The following FHL1 variants were observed in gnomAD, a reference collection of about 807,000 sequenced individuals.
FHL1 encodes four and a half LIM domains protein 1.
FHL1 carries 1 observed loss-of-function variant against 20.3 expected under a neutral mutation model. That is an observed-to-expected ratio of 0.05 (90% CI 0.02 to 0.23). FHL1 has a LOEUF of 0.23. Ranked by LOEUF, FHL1 falls within the 10% of genes least tolerant of loss-of-function variation. The pLI, the probability that FHL1 is intolerant of heterozygous loss-of-function variation, is 1.00. For synonymous variants in FHL1, 82 were observed against 88.9 expected, an observed-to-expected ratio of 0.92 and a Z score of 0.44; for missense variants, 177 against 234.0, an observed-to-expected ratio of 0.76 and a Z score of 1.59.
At chrX:136,188,769 A>G (rs930020583) in intron 2 of FHL1, among the ~76,000 whole-genome samples, 1 of 110,721 alleles carries the variant, frequency 9.0e-6, no homozygotes, top group African/African-American at 3.3e-5. Flanking sequence ...TTTTTGGTCA[A>G]GAGTCGGGTA....
chrX:136,159,677 A>G (rs1037379227), intron 1 of FHL1, among the ~76,000 whole-genome samples: 2 of 112,206 alleles, frequency 1.8e-5, no homozygotes, highest in Non-Finnish European at 3.8e-5. Context: ...GTTCCAGGAG[A>G]GCTGCCCAGT....
upstream of FHL1, among the ~76,000 whole-genome samples, chrX:136,193,954 A>ACCC (rs1452595287): frequency 1.0e-5 from 1 of 97,234 alleles, no homozygotes; most frequent in African/African-American, 3.8e-5. Flanking sequence ...TCACACCCCA[A>ACCC]CCCCCCCCAG....
intron 2 of FHL1, among the ~76,000 whole-genome samples, chrX:136,188,814 C>T (rs1170846982): frequency 9.0e-6 from 1 of 110,883 alleles, no homozygotes; most frequent in Non-Finnish European, 1.9e-5. Flanking sequence ...ACCCCTGGGA[C>T]CTTGGGCATT....
chrX:136,166,954 G>T (rs978816676), upstream of FHL1: 1 of 112,133 alleles, frequency 8.9e-6, no homozygotes, highest in African/African-American at 3.2e-5. Flanking sequence ...CCATTATGAT[G>T]CTCATAGAGG....
chrX:136,181,166 C>T (rs1047647867), intron 2 of FHL1, among the ~76,000 whole-genome samples: 8 of 112,639 alleles, frequency 7.1e-5, no homozygotes, highest in African/African-American at 2.3e-4. Flanking sequence ...GACAAAAGGT[C>T]CACAGCAGGA....
chrX:136,196,002 G>A (rs1379977171), upstream of FHL1, among the ~76,000 whole-genome samples: 2 of 112,070 alleles, frequency 1.8e-5, no homozygotes, highest in African/African-American at 3.2e-5. Flanking sequence ...AGCCTCCTGG[G>A]AGCTGGGCAG....
At chrX:136,197,709 T>C (rs1048840185) in intron 1 of FHL1, among the ~76,000 whole-genome samples, 1 of 112,732 alleles carries the variant, frequency 8.9e-6, no homozygotes, top group African/African-American at 3.2e-5. Flanking sequence ...TTTGGACTCC[T>C]TGGGACATGA....
chrX:136,173,932 T>C (rs2072937263), intron 2 of FHL1, among the ~76,000 whole-genome samples: 1 of 111,283 alleles, frequency 9.0e-6, no homozygotes, highest in African/African-American at 3.3e-5. Context: ...TCTCCTGACC[T>C]TGTGATCCGC....
At chrX:136,209,120 C>T in intron 5 of FHL1, 1 of 580,172 alleles carries the variant, frequency 1.7e-6, no homozygotes. Flanking sequence ...CAAAGCTAAT[C>T]ACTTCATTCC....
intron 2 of FHL1, among the ~76,000 whole-genome samples, chrX:136,178,605 C>CA (rs1264398655): frequency 9.1e-6 from 1 of 110,161 alleles, no homozygotes; most frequent in Non-Finnish European, 1.9e-5. Context: ...AAAAAACAAA[C>CA]AGACAAAACA....
chrX:136,207,244 G>A (rs1603271103), intron 3 of FHL1, 54 bp downstream of exon 3: 2 of 1,127,935 alleles, frequency 1.8e-6, no homozygotes, highest in East Asian at 6.0e-5. Flanking sequence ...GAGGGCAGAC[G>A]TGATGTGGGC....
At chrX:136,188,167 G>C (rs894378735) in intron 2 of FHL1, among the ~76,000 whole-genome samples, 3 of 111,917 alleles carry the variant, frequency 2.7e-5, no homozygotes, top group African/African-American at 9.8e-5. Flanking sequence ...CACTCACCTG[G>C]AATTATTTCA....
intron 2 of FHL1, among the ~76,000 whole-genome samples, chrX:136,178,219 GTGCTAA>G (rs1747947553): frequency 9.0e-6 from 1 of 111,555 alleles, no homozygotes; most frequent in Non-Finnish European, 1.9e-5. Flanking sequence ...GTGGTGAACT[GTGCTAA>G]TAATTGTTAT....
At chrX:136,209,188 C>T in intron 5 of FHL1, 1 of 1,136,790 alleles carries the variant, frequency 8.8e-7, no homozygotes, top group African/African-American at 1.9e-5. Context: ...CCAATTTTCC[C>T]ATCTTCCCGG....
intron 1 of FHL1, among the ~76,000 whole-genome samples, chrX:136,163,102 C>T (rs1406761851): frequency 8.9e-6 from 1 of 112,187 alleles, no homozygotes; most frequent in Non-Finnish European, 1.9e-5. Context: ...GGAGCTCTCC[C>T]GGTTTAATCA....
intron 1 of FHL1, among the ~76,000 whole-genome samples, chrX:136,149,703 A>G (rs1263475621): frequency 2.7e-5 from 3 of 111,899 alleles, no homozygotes; most frequent in Non-Finnish European, 3.8e-5. Context: ...TTAAATTGAT[A>G]AAATTCCTCC....
intron 3 of FHL1, 62 bp from the exon 4 acceptor site, chrX:136,207,730 T>C: frequency 8.5e-7 from 1 of 1,174,327 alleles, no homozygotes; most frequent in Non-Finnish European, 1.2e-6. Context: ...GGAGGGGAGC[T>C]GAGTGGATGC....
At chrX:136,148,239 G>C (rs1413742915) in intron 1 of FHL1, 1 of 102,241 alleles carries the variant, frequency 9.8e-6, no homozygotes, top group Non-Finnish European at 2.0e-5. Flanking sequence ...AACGAGGATG[G>C]CGGGGGTGGC....
At chrX:136,171,152 C>T (rs1370757404) in intron 2 of FHL1, among the ~76,000 whole-genome samples, 1 of 111,545 alleles carries the variant, frequency 9.0e-6, no homozygotes, top group Non-Finnish European at 1.9e-5. Context: ...AAGCTTTCAG[C>T]AGCTTCCCTC....
Sources: allele counts gnomAD v4.1 joint callset (sites outside exome capture counted in the v4.1 genomes callset), GRCh38; gene constraint gnomAD v4.1.1; transcripts MANE v1.5; gene names NCBI Gene and HGNC (gene_info 2026-07-23, HGNC 2026-07-21).